MAP3K3: variants seen among roughly 807,000 people sequenced by gnomAD.
The protein encoded by MAP3K3 is MAP/ERK kinase kinase 3.
Under a neutral mutation model 80.9 loss-of-function variants are expected in MAP3K3, and 12 were observed. The ratio of observed to expected loss-of-function variants is 0.15; its 90% CI spans 0.10 to 0.24. The LOEUF is 0.24. Among genes scored for constraint, MAP3K3 ranks in the 10% least tolerant of loss-of-function variants. MAP3K3 has a pLI of 1.00. For synonymous variants in MAP3K3, 272 were observed against 307.1 expected (o/e 0.89, Z 1.19); for missense variants, 596 against 834.7 (o/e 0.71, Z 3.52).
At position 63,662,921 on chromosome 17, in the gene MAP3K3, C is replaced by T. The variant is rs556721048; in HGVS notation, c.382-4019C>T. Reference sequence around the variant, plus strand: ...ACTCTTAAACTTCAAATGATCTGACCGCCTTGGCCTCCCAAAGTGCTGGGA... The same window carrying T: ...ACTCTTAAACTTCAAATGATCTGACTGCCTTGGCCTCCCAAAGTGCTGGGA... On this transcript the variant is annotated intron_variant, in intron 5 of 15. Transcript: ENST00000361733. 2.1e-4 allele frequency among the ~76,000 whole-genome samples: 32 copies of T among 151,748 alleles called. No homozygotes were observed. The East Asian group carries it at 4.9e-3, about 23-fold the overall frequency.
chr17:63,669,173 C>G (rs2035054963), intron 6 of MAP3K3, among the ~76,000 whole-genome samples: 1 of 152,132 alleles, frequency 6.6e-6, no homozygotes, highest in East Asian at 1.9e-4. Context: ...CTGGAATGAT[C>G]TGGAAAATGC....
At chr17:63,661,660 T>TTC (rs2034893449) in intron 5 of MAP3K3, among the ~76,000 whole-genome samples, 1 of 152,216 alleles carries the variant, frequency 6.6e-6, no homozygotes, top group Non-Finnish European at 1.5e-5. Flanking sequence ...AAAAATAAGC[T>TTC]TCTAATCTTC....
chr17:63,625,084 C>G (rs1013344453), intron 1 of MAP3K3, among the ~76,000 whole-genome samples: 1 of 152,158 alleles, frequency 6.6e-6, no homozygotes, highest in African/African-American at 2.4e-5. Context: ...ACTCCAGCCT[C>G]ATGAAGAAAG....
In MAP3K3 at chr17:63,622,772, C is replaced by A; in HGVS notation, c.4+9C>A. ...CGCCATCGCCACCATGGGTAAGTGTCGCCACCGCCCCGGCCTGTGCCCGCG... is the reference window on the plus strand; with the variant it reads ...CGCCATCGCCACCATGGGTAAGTGTAGCCACCGCCCCGGCCTGTGCCCGCG... On this transcript the variant is annotated intron_variant, in intron 1 of 15. Transcript: ENST00000361733. 2 of 525,950 alleles carry A rather than the reference C, an allele frequency of 3.8e-6. No homozygotes were observed. The highest frequency in any genetic ancestry group is 7.3e-6 in the Non-Finnish European group (2 of 273,154). The allele number at this position is 525,950 out of a possible 1,614,324, so 32.6% of individuals were successfully genotyped here. A position where few individuals can be genotyped will look rare whatever the true frequency, so the allele number is the denominator to read the frequency against.
chr17:63,692,501 T>C lies in MAP3K3; in HGVS notation c.1652+82T>C. The C allele has an allele frequency of 2.8e-6, 4 of 1,434,722 alleles. No homozygotes were observed. Among genetic ancestry groups the C allele is most frequent in the Non-Finnish European group, 3.7e-6 (4 of 1,072,728 alleles). The allele number at this position is 1,434,722 out of a possible 1,614,324, so 88.9% of individuals were successfully genotyped here. On this transcript the variant is annotated intron_variant, in intron 15 of 15. Transcript: ENST00000361733. This position sits in a 1 kb window ranked among gnomAD's most constrained non-coding sequence, Gnocchi z 4.5. ...TTAGAAACACACCCTGGGGACTTTG[T>C]GGTGTGGCAGGAGGGAGTGTGCCCA...
intron 6 of MAP3K3, among the ~76,000 whole-genome samples, chr17:63,674,039 C>G (rs1466463434): frequency 1.3e-5 from 2 of 151,186 alleles, no homozygotes; most frequent in African/African-American, 2.4e-5. Context: ...GAGATCGTGC[C>G]ACTGCGCTCC....
At chr17:63,652,776 A>G (rs374045857) in intron 4 of MAP3K3, 120 bp downstream of exon 4, 14 of 644,366 alleles carry the variant, frequency 2.2e-5, no homozygotes, top group East Asian at 1.1e-4. Flanking sequence ...TTCATTTTCT[A>G]GACCCCCTTT....
chr17:63,634,666 C>T (rs369110211), intron 2 of MAP3K3: 11 of 1,500,540 alleles, frequency 7.3e-6, no homozygotes, highest in East Asian at 4.5e-5. Flanking sequence ...TTATGTTGCA[C>T]GAAGGATACA....
rs112592967 is a variant in MAP3K3 at position 63,639,406 on chromosome 17, A to G, written c.126+6604A>G. Among the ~76,000 whole-genome samples, 1,067 of 152,328 alleles carry G rather than the reference A, an allele frequency of 7.0e-3. 10 individuals are homozygous for G. The highest frequency in any genetic ancestry group is 0.024 in the African/African-American group (981 of 41,566). ...TAAAGGGGGGTCCCTGTGGGGAACA[A>G]ACAGTGTGAGATGATCAGGTAAACT... On this transcript the variant is annotated intron_variant, in intron 2 of 15. Coordinates refer to ENST00000361733, the MANE Select transcript of MAP3K3 (RefSeq NM_002401.5).
At chr17:63,622,824 T>G in intron 1 of MAP3K3, 61 bp downstream of exon 1, 1 of 431,298 alleles carries the variant, frequency 2.3e-6, no homozygotes, top group Non-Finnish European at 4.6e-6. Flanking sequence ...CGCCCCAGGC[T>G]GAGGGAGGAG....
At chr17:63,648,804 G>C (rs989176190) in intron 3 of MAP3K3, among the ~76,000 whole-genome samples, 23 of 152,174 alleles carry the variant, frequency 1.5e-4, no homozygotes, top group African/African-American at 5.5e-4. Context: ...GACAGAGCGA[G>C]ACTCCATCAC....
chr17:63,664,007 C>G (rs920734703), intron 5 of MAP3K3, among the ~76,000 whole-genome samples: 2 of 152,054 alleles, frequency 1.3e-5, no homozygotes, highest in East Asian at 1.9e-4. Flanking sequence ...CTTTGGGAGG[C>G]CGAGGCGGGC....
chr17:63,693,498 G>C lies in MAP3K3; in HGVS notation c.1653-51G>C, dbSNP rs2035634614. On this transcript the variant is annotated intron_variant, in intron 15 of 15. Transcript: ENST00000361733. The surrounding 1 kb of genome is among the most constrained non-coding windows in gnomAD (Gnocchi z 4.2). ...TCTTTCTGCAGTGGTGGGCAGGACA[G>C]CTGGGAGTCCAGGGCTGGCTGAGGG... 7 of 1,517,278 alleles carry C rather than the reference G, an allele frequency of 4.6e-6. No homozygotes were observed. The East Asian group carries it at 1.6e-4, about 35-fold the overall frequency. The allele number at this position is 1,517,278 out of a possible 1,614,324, so 94.0% of individuals were successfully genotyped here.
chr17:63,649,444 A>AT (rs1442978141), intron 3 of MAP3K3, among the ~76,000 whole-genome samples: 1 of 142,998 alleles, frequency 7.0e-6, no homozygotes, highest in Non-Finnish European at 1.5e-5. Flanking sequence ...AAAAAAAAAA[A>AT]AAAAGTAGAC....
At chr17:63,637,207 A>G (rs2143218597) in intron 2 of MAP3K3, 2 of 250,024 alleles carry the variant, frequency 8.0e-6, no homozygotes, top group East Asian at 1.8e-4. Context: ...AAAAAAAAAA[A>G]AAAAGAGTAC....
intron 2 of MAP3K3, among the ~76,000 whole-genome samples, chr17:63,637,289 A>G (rs1484002861): frequency 6.6e-6 from 1 of 152,226 alleles, no homozygotes; most frequent in Non-Finnish European, 1.5e-5. Flanking sequence ...TGCTTTCAAC[A>G]ACAGTTAACA....
In MAP3K3 at chr17:63,689,978, C is replaced by G; in HGVS notation, c.1063+243C>G. On this transcript the variant is annotated intron_variant, in intron 11 of 15. Transcript: ENST00000361733. The surrounding 1 kb of genome is among the most constrained non-coding windows in gnomAD (Gnocchi z 4.3). ...CTAGGGAAGAGCACACCCTTCATCC[C>G]TGCCATATTAAGATATTTAGGGGCT... 1 of 580,044 alleles carries G rather than the reference C, an allele frequency of 1.7e-6. No homozygotes were observed. The highest frequency in any genetic ancestry group is 1.9e-5 in the African/African-American group (1 of 53,668). 35.9% of individuals were successfully genotyped at this position (580,044 alleles called of 1,614,324 possible).
At chr17:63,663,229 G>T (rs777290169) in intron 5 of MAP3K3, among the ~76,000 whole-genome samples, 4 of 152,092 alleles carry the variant, frequency 2.6e-5, no homozygotes, top group Non-Finnish European at 4.4e-5. Context: ...TTGGCCAGGC[G>T]TGGTGGCTCA....
At chr17:63,683,750 A>G (rs1165230098) in intron 7 of MAP3K3, among the ~76,000 whole-genome samples, 1 of 152,168 alleles carries the variant, frequency 6.6e-6, no homozygotes, top group Non-Finnish European at 1.5e-5. Flanking sequence ...TGAAAATATG[A>G]TAAGTTTTGT....
Sources: allele counts gnomAD v4.1 joint callset (sites outside exome capture counted in the v4.1 genomes callset), GRCh38; gene constraint gnomAD v4.1.1; non-coding constraint Gnocchi (gnomAD v3.1); transcripts MANE v1.5; gene names NCBI Gene and HGNC (gene_info 2026-07-23, HGNC 2026-07-21).